Variants in MAPK10 observed in about 807,000 individuals in gnomAD.
The protein encoded by MAPK10 is JNK3 alpha protein kinase.
Under a neutral mutation model 59.3 loss-of-function variants are expected in MAPK10, and 25 were observed. The ratio of observed to expected loss-of-function variants is 0.42; its 90% confidence interval spans 0.31 to 0.59. The LOEUF is 0.59. Among genes scored for constraint, MAPK10 ranks in the 20% least tolerant of loss-of-function variants. The pLI, the probability that MAPK10 is intolerant of heterozygous loss-of-function variation, is 0.15. For synonymous variants in MAPK10, 190 were observed against 200.5 expected, an observed-to-expected ratio of 0.95 and a Z score of 0.44; for missense variants, 351 against 568.9, an observed-to-expected ratio of 0.62 and a Z score of 3.90.
At chr4:86,440,561 T>TTGAGGCTGTAGTGAGC (rs1170088617) in intron 1 of MAPK10, among the ~76,000 whole-genome samples, 1 of 151,502 alleles carries the variant, frequency 6.6e-6, no homozygotes, top group East Asian at 1.9e-4. Context: ...GCCCAGAAGG[T>TTGAGGCTGTAGTGAGC]TGAGGCTGTA....
intron 3 of MAPK10, among the ~76,000 whole-genome samples, chr4:86,159,970 G>T (rs1466902049): frequency 1.3e-5 from 2 of 151,728 alleles, no homozygotes; most frequent in Non-Finnish European, 2.9e-5. Flanking sequence ...ATTTTAATTG[G>T]GTAAATTTGA....
chr4:86,515,727 C>A (rs1238433503), intron 1 of MAPK10, among the ~76,000 whole-genome samples: 1 of 151,902 alleles, frequency 6.6e-6, no homozygotes, highest in African/African-American at 2.4e-5. Flanking sequence ...CTTGTAGATT[C>A]TGGGTATTAG....
chr4:86,478,732 A>G (rs1418468813), intron 1 of MAPK10, among the ~76,000 whole-genome samples: 2 of 151,594 alleles, frequency 1.3e-5, no homozygotes, highest in Non-Finnish European at 2.9e-5. Context: ...ATTTCCCCAT[A>G]CTTCCTTCTT....
chr4:86,445,795 AAG>A (rs1382914279), intron 1 of MAPK10, among the ~76,000 whole-genome samples: 4 of 152,124 alleles, frequency 2.6e-5, no homozygotes, highest in Non-Finnish European at 5.9e-5. Context: ...TCAAAAGTGT[AAG>A]AGGCTTTCTC....
intron 2 of MAPK10, among the ~76,000 whole-genome samples, chr4:86,279,069 G>A: frequency 6.6e-6 from 1 of 152,066 alleles, no homozygotes; most frequent in East Asian, 1.9e-4. Flanking sequence ...TATGTAAAGT[G>A]TTAACCTTTG....
Position 86,465,399 on chromosome 4 carries a change from A to G in MAPK10, c.-262-110755T>C, listed in dbSNP as rs1342681621. On this transcript the variant is annotated intron_variant, in intron 1 of 4. Coordinates refer to the MAPK10 transcript ENST00000502302. ...CACATATAATTCTCAAGGGCAAGCC[A>G]TAGTGGAAAGAATGAATCTCTCCCT... 3.9e-5 allele frequency among the ~76,000 whole-genome samples: 6 copies of G among 152,382 alleles called. No individual in the cohort carries two copies. The East Asian group carries it at 7.7e-4, about 20-fold the overall frequency.
chr4:86,115,012 C>T (rs1426110535), intron 4 of MAPK10, among the ~76,000 whole-genome samples: 2 of 152,234 alleles, frequency 1.3e-5, no homozygotes, highest in African/African-American at 4.8e-5. Context: ...CACCCAGTCT[C>T]CCTGACACCA....
rs2064639171 is a variant in MAPK10, at chr4:86,145,223, G to A, written c.236+14075C>T. Reference sequence around the variant, plus strand: ...TTCAAATTTCTATCTCTAGCCGGGCGTGGTGGCGCGCGCCTGTAGTCCCAG... The same window carrying A: ...TTCAAATTTCTATCTCTAGCCGGGCATGGTGGCGCGCGCCTGTAGTCCCAG... On this transcript the variant is annotated intron_variant, in intron 4 of 13. Transcript: ENST00000641462. Among the ~76,000 whole-genome samples, 4 of 91,984 alleles carry A rather than the reference G, an allele frequency of 4.3e-5. 1 individual carries two copies. Among genetic ancestry groups the A allele is most frequent in the Non-Finnish European group, 6.4e-5 (3 of 46,814 alleles). The allele number at this position is 91,984 out of a possible 152,430, so 60.3% of individuals were successfully genotyped here. A position where few individuals can be genotyped will look rare whatever the true frequency, so the allele number is the denominator to read the frequency against.
At position 86,012,989 on chromosome 4, in the gene MAPK10, A is replaced by C. The variant is rs1741835537; in HGVS notation, c.*4239T>G. 1 of 152,214 alleles carries C rather than the reference A, an allele frequency of 6.6e-6. No homozygotes were observed. The highest frequency in any genetic ancestry group is 2.4e-5 in the African/African-American group (1 of 41,464). The allele number at this position is 152,214 out of a possible 1,614,324, so 9.4% of individuals were successfully genotyped here. On this transcript the variant is annotated 3_prime_UTR_variant, in exon 14 of 14. Coordinates refer to ENST00000641462, the MANE Select transcript of MAPK10 (RefSeq NM_138982.4). ...GGTCTCATTGCAAGATGGACATGGC[A>C]AGGTGAACAGATAATCCTACATAAG...
chr4:86,564,594 A>C (rs1176058454), intron 1 of MAPK10, among the ~76,000 whole-genome samples: 1 of 152,126 alleles, frequency 6.6e-6, no homozygotes, highest in Admixed American at 6.5e-5. Context: ...GACACCACCA[A>C]ATGAATCCAA....
intron 2 of MAPK10, among the ~76,000 whole-genome samples, chr4:86,281,210 T>C (rs1011365969): frequency 2.2e-4 from 34 of 152,228 alleles, no homozygotes; most frequent in Admixed American, 2.2e-3. Context: ...ACCCAGTTTC[T>C]AAAGTCTCAG....
intron 2 of MAPK10, among the ~76,000 whole-genome samples, chr4:86,243,539 C>T (rs929842241): frequency 7.9e-5 from 12 of 152,282 alleles, no homozygotes; most frequent in South Asian, 2.1e-4. Context: ...TCATTACACT[C>T]TAGCCAGGCT....
chr4:86,401,180 G>T (rs1056375348), intron 1 of MAPK10, among the ~76,000 whole-genome samples: 10 of 152,054 alleles, frequency 6.6e-5, no homozygotes, highest in African/African-American at 2.4e-4. Flanking sequence ...AATTTGATGG[G>T]TACAAAATGC....
chr4:86,216,407 T>C (rs2087642439), intron 2 of MAPK10, among the ~76,000 whole-genome samples: 1 of 151,132 alleles, frequency 6.6e-6, no homozygotes, highest in Non-Finnish European at 1.5e-5. Context: ...TTGCACATGA[T>C]CAATGTACTT....
rs541483350 is a variant in MAPK10, at chr4:86,392,490, G to T, written c.-121-37846C>A. On this transcript the variant is annotated intron_variant, in intron 1 of 13. Coordinates refer to the MAPK10 transcript ENST00000361569. ...AGAGTAGAAAAATAGCGGACTCTGAGTTCTGAACCAAGACACACCTGTTCA... is the reference window on the plus strand; with the variant it reads ...AGAGTAGAAAAATAGCGGACTCTGATTTCTGAACCAAGACACACCTGTTCA... 4.0e-5 allele frequency: 6 copies of T among 150,984 alleles called. No individual in the cohort carries two copies. In the East Asian group the frequency reaches 9.7e-4, roughly 25 times the overall value. 9.4% of individuals were successfully genotyped at this position (150,984 alleles called of 1,614,324 possible).
rs376184542 is a variant in MAPK10 at position 86,042,735 on chromosome 4, C to T, written c.1111-11304G>A. ...CAAAGTAGGGAATCAAAGCATACCACCAGAGAAAATTATTTTATCAGAAAA... is the reference window on the plus strand; with the variant it reads ...CAAAGTAGGGAATCAAAGCATACCATCAGAGAAAATTATTTTATCAGAAAA... On this transcript the variant is annotated intron_variant, in intron 11 of 13. Transcript: ENST00000641462. Among the ~76,000 whole-genome samples, 25 of 149,714 alleles carry T rather than the reference C, an allele frequency of 1.7e-4. No individual in the cohort carries two copies. In the East Asian group the frequency reaches 3.5e-3, roughly 21 times the overall value.
At chr4:86,443,585 C>T (rs1166635496) in intron 1 of MAPK10, among the ~76,000 whole-genome samples, 1 of 151,504 alleles carries the variant, frequency 6.6e-6, no homozygotes. Flanking sequence ...AATCACAGGA[C>T]TATTGAGCCC....
At chr4:86,136,863 A>T (rs2062280206) in intron 4 of MAPK10, among the ~76,000 whole-genome samples, 1 of 152,124 alleles carries the variant, frequency 6.6e-6, no homozygotes, top group Admixed American at 6.5e-5. Context: ...ATGGAAAACA[A>T]AAAAAGGCAG....
chr4:86,116,955 G>T (rs1427317717), intron 4 of MAPK10, among the ~76,000 whole-genome samples: 1 of 152,146 alleles, frequency 6.6e-6, no homozygotes, highest in Admixed American at 6.5e-5. Flanking sequence ...TACAGCATAG[G>T]CAACAATTGG....
Sources: allele counts gnomAD v4.1 joint callset (sites outside exome capture counted in the v4.1 genomes callset), GRCh38; gene constraint gnomAD v4.1.1; transcripts MANE v1.5; gene names NCBI Gene and HGNC (gene_info 2026-07-23, HGNC 2026-07-21).